MAD1L1: variants seen among roughly 807,000 people sequenced by gnomAD.
The protein encoded by MAD1L1 is mitotic spindle assembly checkpoint protein MAD1.
In MAD1L1, 95 loss-of-function variants were observed where a neutral mutation model predicts 96.9. The ratio of observed to expected loss-of-function variants is 0.98; its 90% CI spans 0.83 to 1.16. MAD1L1 has a LOEUF of 1.16. Among genes scored for constraint, MAD1L1 ranks in the 50% most tolerant of loss-of-function variants. The pLI is 0.00. For synonymous variants in MAD1L1, 473 were observed against 396.6 expected (o/e 1.19, Z -2.29); for missense variants, 1,007 against 954.4 (o/e 1.06, Z -0.73).
At chr7:2,156,481 TC>T (rs1447897649) in intron 10 of MAD1L1, among the ~76,000 whole-genome samples, 2 of 151,944 alleles carry the variant, frequency 1.3e-5, no homozygotes, top group African/African-American at 4.8e-5. Flanking sequence ...CCCTGGTGAT[TC>T]TTACACACAA....
chr7:1,865,447 G>C (rs1401923609), intron 18 of MAD1L1, among the ~76,000 whole-genome samples: 2 of 152,238 alleles, frequency 1.3e-5, no homozygotes, highest in African/African-American at 4.8e-5. Flanking sequence ...AGCTTTCAGA[G>C]GTCTCAGGAC....
chr7:2,195,283 C>T (rs1422115588), intron 10 of MAD1L1, among the ~76,000 whole-genome samples: 1 of 152,206 alleles, frequency 6.6e-6, no homozygotes, highest in African/African-American at 2.4e-5. Flanking sequence ...AAAATACCTA[C>T]TTTTCTTATC....
chr7:2,019,689 A>C (rs1028425454), intron 12 of MAD1L1, among the ~76,000 whole-genome samples: 2 of 110,822 alleles, frequency 1.8e-5, no homozygotes, highest in South Asian at 3.0e-4. Flanking sequence ...ACGCCTCGCC[A>C]CCCTCCACCC....
chr7:2,144,641 G>A (rs1789203747), intron 11 of MAD1L1, among the ~76,000 whole-genome samples: 2 of 152,166 alleles, frequency 1.3e-5, no homozygotes, highest in African/African-American at 2.4e-5. Flanking sequence ...CAGGCAGAGG[G>A]GTGCTTGGGT....
rs559665097 is a variant in MAD1L1, at chr7:2,210,508, G to A, written c.986+2704C>T. The stretch of plus-strand genomic sequence containing the variant: ...CATTCCCGTGGACTCTCTAGGAGCC[G>A]TATTCGGGACCGCCAGCCCGCATTC... On this transcript the variant is annotated intron_variant, in intron 10 of 18. Coordinates refer to ENST00000265854, the MANE Select transcript of MAD1L1 (RefSeq NM_001013836.2). Among the ~76,000 whole-genome samples, 513 of 80,378 alleles carry A rather than the reference G, an allele frequency of 6.4e-3. 5 individuals carry two copies. The highest frequency in any genetic ancestry group is 0.02 in the African/African-American group (463 of 23,054). The allele number at this position is 80,378 out of a possible 152,430, so 52.7% of individuals were successfully genotyped here. A position where few individuals can be genotyped will look rare whatever the true frequency, so the allele number is the denominator to read the frequency against.
Position 2,069,219 on chromosome 7 carries a change from T to C in MAD1L1, c.1193A>G (p.Gln398Arg). 1 of 1,605,714 alleles carries C rather than the reference T, an allele frequency of 6.2e-7. No homozygotes were observed. Among genetic ancestry groups the C allele is most frequent in the African/African-American group, 1.3e-5 (1 of 74,714 alleles). The change falls in exon 12 of 19, where the codon CAG (glutamine) becomes CGG (arginine). Residue 398 changes from glutamine (Q) to arginine (R), a missense_variant. Gln to Arg is a conservative substitution (Grantham distance 43). Transcript: ENST00000265854. ...CTTGGTGAGCAGCAGGACCCGTTTC[T>C]GGAGCCTCCGGGCCAGCGCCTCGTG... Reference protein sequence around the residue: ...ETHEALARRLQKRVLLLTKER... With the variant: ...ETHEALARRLRKRVLLLTKER...
intron 18 of MAD1L1, among the ~76,000 whole-genome samples, chr7:1,860,323 G>A (rs1261403278): frequency 2.1e-5 from 3 of 140,322 alleles, no homozygotes; most frequent in Non-Finnish European, 4.6e-5. Context: ...TGGCGGGGCG[G>A]CCTCTGTCTC....
intron 18 of MAD1L1, chr7:1,872,865 C>T (rs547000266): frequency 5.9e-5 from 9 of 152,352 alleles, no homozygotes; most frequent in East Asian, 1.9e-4. Flanking sequence ...CCGCGATGGA[C>T]GTCAATAAAA....
At chr7:2,115,616 C>G (rs11770255) in intron 11 of MAD1L1, among the ~76,000 whole-genome samples, 55,033 of 150,096 alleles carry the variant, frequency 0.37, 10,701 homozygotes, top group East Asian at 0.5. Flanking sequence ...GCGTGTTCCC[C>G]GGTCACAGGA....
chr7:2,160,153 C>T (rs113331604), intron 10 of MAD1L1, among the ~76,000 whole-genome samples: 2,625 of 151,636 alleles, frequency 0.017, 27 homozygotes, highest in Non-Finnish European at 0.027. Context: ...ATCTCTTGAG[C>T]CTGGGAGGCA....
intron 12 of MAD1L1, among the ~76,000 whole-genome samples, chr7:2,043,865 G>A (rs560772997): frequency 6.6e-6 from 1 of 152,258 alleles, no homozygotes; most frequent in Non-Finnish European, 1.5e-5. Flanking sequence ...CAGGGCCAGG[G>A]AGGGCCGGGC....
At chr7:1,965,892 C>G (rs1780146475) in intron 15 of MAD1L1, among the ~76,000 whole-genome samples, 1 of 152,270 alleles carries the variant, frequency 6.6e-6, no homozygotes, top group African/African-American at 2.4e-5. Flanking sequence ...AGGGGAGACC[C>G]AGAAACGTGA....
At chr7:1,925,664 C>T (rs1402903987) in intron 17 of MAD1L1, among the ~76,000 whole-genome samples, 1 of 152,244 alleles carries the variant, frequency 6.6e-6, no homozygotes, top group Non-Finnish European at 1.5e-5. Context: ...GTTTCCAACA[C>T]GTGGACTTTG....
At chr7:2,087,425 A>G (rs2128542826) in intron 11 of MAD1L1, among the ~76,000 whole-genome samples, 1 of 152,230 alleles carries the variant, frequency 6.6e-6, no homozygotes, top group Admixed American at 6.5e-5. Context: ...CTGTAATCTC[A>G]GCTACTCATG....
At position 2,146,746 on chromosome 7, in the gene MAD1L1, A is replaced by G. The variant is rs1361510799; in HGVS notation, c.1073+2406T>C. 2.0e-5 allele frequency among the ~76,000 whole-genome samples: 3 copies of G among 152,236 alleles called. No homozygotes were observed. The highest frequency in any genetic ancestry group is 4.4e-5 in the Non-Finnish European group (3 of 68,042). ...CCACCGTGGCCTCCCATCTTCTGCC[A>G]TGCCGCCTCCTTCACGCTCATCTGA... On this transcript the variant is annotated intron_variant, in intron 11 of 18. Transcript: ENST00000265854. This position sits in a 1 kb window ranked among gnomAD's most constrained non-coding sequence, Gnocchi z 6.2.
intron 12 of MAD1L1, among the ~76,000 whole-genome samples, chr7:2,016,543 CA>C (rs1217900295): frequency 1.3e-5 from 2 of 152,236 alleles, no homozygotes; most frequent in African/African-American, 2.4e-5. Context: ...TGCTCCCCAG[CA>C]CTGATGACTG....
At chr7:2,125,244 G>A (rs1195959806) in intron 11 of MAD1L1, among the ~76,000 whole-genome samples, 1 of 152,164 alleles carries the variant, frequency 6.6e-6, no homozygotes, top group Admixed American at 6.5e-5. Context: ...GGACCCAAGG[G>A]TGGGGGCGGC....
chr7:1,886,283 C>G (rs945592915), intron 18 of MAD1L1, among the ~76,000 whole-genome samples: 1 of 152,178 alleles, frequency 6.6e-6, no homozygotes, highest in Non-Finnish European at 1.5e-5. Context: ...GATCAGTGCA[C>G]GGGAGATGGT....
intron 12 of MAD1L1, among the ~76,000 whole-genome samples, chr7:2,016,277 T>C (rs952939706): frequency 8.5e-5 from 13 of 152,054 alleles, no homozygotes; most frequent in Admixed American, 5.9e-4. Context: ...CCTCATTGAG[T>C]TGTGGCCAGC....
Sources: gnomAD v4.1 joint callset for allele counts (sites outside exome capture counted in the v4.1 genomes callset) on GRCh38, gnomAD v4.1.1 for gene constraint, Gnocchi (gnomAD v3.1) non-coding constraint, MANE v1.5 for transcripts, NCBI Gene and HGNC (gene_info 2026-07-23, HGNC 2026-07-21) for gene names.